Variants in FRMD3 observed in about 807,000 individuals in gnomAD.
FRMD3 encodes the protein FERM domain containing 3, also known as FERM domain-containing protein 3.
A neutral mutation model predicts 70.2 loss-of-function variants in FRMD3; 33 were observed. The observed-to-expected ratio is 0.47, with a 90% CI of 0.36 to 0.63. FRMD3 has a LOEUF of 0.63. Among genes scored for constraint, FRMD3 ranks in the 20% least tolerant of loss-of-function variants. The pLI, the probability that FRMD3 is intolerant of heterozygous loss-of-function variation, is 0.00. For missense variants in FRMD3, 632 were observed against 711.4 expected, an observed-to-expected ratio of 0.89 and a Z score of 1.27; for synonymous variants, 279 against 255.9, an observed-to-expected ratio of 1.09 and a Z score of -0.86.
At chr9:83,258,828 C>G (rs1249307813) in intron 13 of FRMD3, among the ~76,000 whole-genome samples, 2 of 152,188 alleles carry the variant, frequency 1.3e-5, no homozygotes, top group Non-Finnish European at 2.9e-5. Context: ...CCTGCTCTCT[C>G]CCCCGTGAGC....
intron 13 of FRMD3, among the ~76,000 whole-genome samples, chr9:83,289,060 T>A (rs1042979279): frequency 1.3e-5 from 2 of 152,188 alleles, no homozygotes; most frequent in African/African-American, 4.8e-5. Context: ...ACACCCTCCT[T>A]CATTTAAACT....
chr9:83,358,527 T>C (rs1381266620), intron 3 of FRMD3, among the ~76,000 whole-genome samples: 1 of 152,200 alleles, frequency 6.6e-6, no homozygotes, highest in Non-Finnish European at 1.5e-5. Context: ...TTCGGCAGTA[T>C]GGTCATTTTC....
chr9:83,398,024 T>C (rs1825852642), intron 1 of FRMD3, among the ~76,000 whole-genome samples: 1 of 152,226 alleles, frequency 6.6e-6, no homozygotes, highest in Non-Finnish European at 1.5e-5. Flanking sequence ...GTGAACTAAA[T>C]AGTTCTGCTT....
chr9:83,418,461 C>A (rs974388337), intron 1 of FRMD3, among the ~76,000 whole-genome samples: 2 of 151,660 alleles, frequency 1.3e-5, no homozygotes, highest in African/African-American at 4.8e-5. Context: ...AAAAAGTGGG[C>A]AAATATTATG....
chr9:83,353,545 T>C (rs963437319), intron 3 of FRMD3, among the ~76,000 whole-genome samples: 15 of 152,132 alleles, frequency 9.9e-5, no homozygotes, highest in African/African-American at 3.4e-4. Flanking sequence ...TTTCTGAGTG[T>C]GTGGATAAAT....
At chr9:83,474,753 C>T (rs1018191109) in intron 1 of FRMD3, among the ~76,000 whole-genome samples, 4 of 151,800 alleles carry the variant, frequency 2.6e-5, no homozygotes, top group Non-Finnish European at 5.9e-5. Context: ...ACAGAAGCCA[C>T]CCAACACTCT....
chr9:83,411,841 A>G (rs1826288671), intron 1 of FRMD3, among the ~76,000 whole-genome samples: 1 of 152,240 alleles, frequency 6.6e-6, no homozygotes, highest in South Asian at 2.1e-4. Context: ...CCAGTGAGCC[A>G]AACTATCCAT....
chr9:83,453,679 A>G (rs1827731793), intron 1 of FRMD3, among the ~76,000 whole-genome samples: 1 of 151,944 alleles, frequency 6.6e-6, no homozygotes, highest in Admixed American at 6.6e-5. Flanking sequence ...GGTTAATTCA[A>G]ATTAATTTCC....
chr9:83,411,753 C>A (rs1826285068), intron 1 of FRMD3, among the ~76,000 whole-genome samples: 2 of 152,188 alleles, frequency 1.3e-5, no homozygotes, highest in African/African-American at 4.8e-5. Flanking sequence ...TCGAAAAGGA[C>A]TGAAAATTTT....
intron 1 of FRMD3, among the ~76,000 whole-genome samples, chr9:83,512,974 G>A (rs941841540): frequency 2.6e-5 from 4 of 152,146 alleles, no homozygotes; most frequent in Non-Finnish European, 4.4e-5. Context: ...AAAATGACAC[G>A]ATGAAAGAAG....
At chr9:83,567,341 T>C in the FRMD3 span, among the ~76,000 whole-genome samples, 1 of 152,142 alleles carries the variant, frequency 6.6e-6, no homozygotes, top group African/African-American at 2.4e-5. Context: ...AACCACTTTT[T>C]CCTCCTAGGC....
intron 1 of FRMD3, among the ~76,000 whole-genome samples, chr9:83,530,987 C>T (rs1052128212): frequency 1.3e-5 from 2 of 152,186 alleles, no homozygotes; most frequent in African/African-American, 2.4e-5. Context: ...AGGGTCACTG[C>T]TTCAGGGGTA....
chr9:83,517,909 C>T (rs1343929892), intron 1 of FRMD3, among the ~76,000 whole-genome samples: 2 of 152,170 alleles, frequency 1.3e-5, no homozygotes, highest in Non-Finnish European at 2.9e-5. Flanking sequence ...TCAATAGATG[C>T]AGAAAAGGTC....
chr9:83,276,271 C>A (rs959846997), intron 13 of FRMD3: 2 of 152,210 alleles, frequency 1.3e-5, no homozygotes, highest in African/African-American at 2.4e-5. Context: ...AAAGAGTCTA[C>A]TTCCTTTGTC....
chr9:83,374,899 T>C (rs576467395), intron 2 of FRMD3, among the ~76,000 whole-genome samples: 1 of 152,288 alleles, frequency 6.6e-6, no homozygotes, highest in East Asian at 1.9e-4. Flanking sequence ...AGAAAACAAA[T>C]AGCAGCAAAA....
intron 2 of FRMD3, among the ~76,000 whole-genome samples, chr9:83,382,202 T>A (rs1359501253): frequency 6.6e-6 from 1 of 152,192 alleles, no homozygotes; most frequent in Non-Finnish European, 1.5e-5. Context: ...CACATAAATT[T>A]AACAACATTG....
At chr9:83,309,514 T>C in intron 10 of FRMD3, 22 bp downstream of exon 10, 1 of 1,443,576 alleles carries the variant, frequency 6.9e-7, no homozygotes, top group Non-Finnish European at 9.5e-7. Flanking sequence ...AAGCTATAAT[T>C]AAATGAATAA....
the FRMD3 span, among the ~76,000 whole-genome samples, chr9:83,564,502 G>T: frequency 6.6e-6 from 1 of 152,132 alleles, no homozygotes; most frequent in East Asian, 1.9e-4. Context: ...CCTGAATATG[G>T]AAAGCCCAAC....
At chr9:83,439,595 G>A (rs59092131) in intron 1 of FRMD3, among the ~76,000 whole-genome samples, 15,224 of 152,292 alleles carry the variant, frequency 0.1, 834 homozygotes, top group Admixed American at 0.13. Context: ...GAGGAAAGAC[G>A]AAACCCCATT....
Sources: gnomAD v4.1 joint callset for allele counts (sites outside exome capture counted in the v4.1 genomes callset) on GRCh38, gnomAD v4.1.1 for gene constraint, MANE v1.5 for transcripts, NCBI Gene and HGNC (gene_info 2026-07-23, HGNC 2026-07-21) for gene names.